The following DPYD variants were observed in gnomAD, a reference collection of about 807,000 sequenced individuals.
The protein encoded by DPYD is dihydropyrimidine dehydrogenase [NADP(+)].
A neutral mutation model predicts 116.2 loss-of-function variants in DPYD; 109 were observed. The observed-to-expected ratio is 0.94, with a 90% CI of 0.80 to 1.10. DPYD has a LOEUF of 1.10. DPYD is among the 50% of genes least tolerant of loss of function. The pLI is 0.00. For missense variants in DPYD, 1,302 were observed against 1,254.5 expected (o/e 1.04, Z -0.57); for synonymous variants, 440 against 432.0 (o/e 1.02, Z -0.23).
At chr1:97,082,573 A>C (rs1172952611) in intron 21 of DPYD, 103 bp from the exon 22 acceptor site, 1 of 1,359,570 alleles carries the variant, frequency 7.4e-7, no homozygotes, top group African/African-American at 1.4e-5. Context: ...ATGTTGCATT[A>C]TATTAACTTG....
chr1:97,089,881 T>A (rs904903830), intron 21 of DPYD, among the ~76,000 whole-genome samples: 21 of 150,934 alleles, frequency 1.4e-4, no homozygotes, highest in Non-Finnish European at 2.9e-5. Context: ...TCAGGATGTA[T>A]GTTGTCTAGC....
At chr1:97,169,482 C>G (rs750373908) in intron 20 of DPYD, among the ~76,000 whole-genome samples, 4 of 147,320 alleles carry the variant, frequency 2.7e-5, no homozygotes, top group African/African-American at 7.5e-5. Flanking sequence ...CTTCCAGATG[C>G]CTATGATAAT....
intron 18 of DPYD, among the ~76,000 whole-genome samples, chr1:97,294,097 C>A (rs912751298): frequency 2.0e-5 from 3 of 152,118 alleles, no homozygotes; most frequent in African/African-American, 7.2e-5. Context: ...ACGGCTCTTG[C>A]TTTTAAGATG....
At chr1:97,147,973 G>A (rs1172754087) in intron 20 of DPYD, among the ~76,000 whole-genome samples, 1 of 152,076 alleles carries the variant, frequency 6.6e-6, no homozygotes, top group Non-Finnish European at 1.5e-5. Flanking sequence ...CTACTTTATT[G>A]TAGAGGCACA....
At chr1:97,691,669 ACT>A in intron 7 of DPYD, 46 bp downstream of exon 7, 1 of 1,456,208 alleles carries the variant, frequency 6.9e-7, no homozygotes, top group Non-Finnish European at 9.6e-7. Context: ...TGTAGAGCTT[ACT>A]CCTTTCTTTT....
At chr1:97,499,880 T>A (rs1378378834) in intron 13 of DPYD, among the ~76,000 whole-genome samples, 1 of 151,956 alleles carries the variant, frequency 6.6e-6, no homozygotes, top group East Asian at 1.9e-4. Flanking sequence ...TGCAACCTAA[T>A]GTTCTATTCA....
intron 16 of DPYD, among the ~76,000 whole-genome samples, chr1:97,366,879 C>T (rs548953374): frequency 6.6e-6 from 1 of 152,094 alleles, no homozygotes; most frequent in African/African-American, 2.4e-5. Flanking sequence ...TTTCTCTAAC[C>T]TTTGGGATTT....
chr1:97,492,435 T>A (rs1426789313), intron 13 of DPYD, among the ~76,000 whole-genome samples: 1 of 152,166 alleles, frequency 6.6e-6, no homozygotes, highest in Non-Finnish European at 1.5e-5. Context: ...CTCTACTCCC[T>A]ATTCACATAA....
chr1:97,430,169 T>C (rs1452046554), intron 14 of DPYD, among the ~76,000 whole-genome samples: 2 of 152,174 alleles, frequency 1.3e-5, no homozygotes, highest in Non-Finnish European at 2.9e-5. Context: ...AAGACTGTCC[T>C]GTTCCAGTGA....
chr1:97,421,975 T>C (rs1298509990), intron 14 of DPYD, among the ~76,000 whole-genome samples: 3 of 152,126 alleles, frequency 2.0e-5, no homozygotes, highest in Admixed American at 6.6e-5. Context: ...ATAGGGGCAG[T>C]GGGGATTGGA....
At chr1:97,690,826 T>C (rs2100947638) in intron 7 of DPYD, among the ~76,000 whole-genome samples, 1 of 152,228 alleles carries the variant, frequency 6.6e-6, no homozygotes, top group Non-Finnish European at 1.5e-5. Context: ...TGTGTGAATG[T>C]TTCATCACCC....
At chr1:97,371,669 G>T (rs1671317440) in intron 16 of DPYD, among the ~76,000 whole-genome samples, 1 of 152,200 alleles carries the variant, frequency 6.6e-6, no homozygotes, top group African/African-American at 2.4e-5. Flanking sequence ...GAACATTCAT[G>T]TGTCCTCAGG....
intron 3 of DPYD, among the ~76,000 whole-genome samples, chr1:97,822,984 A>G (rs1372711036): frequency 6.6e-6 from 1 of 152,200 alleles, no homozygotes. Flanking sequence ...CCCCATTTGC[A>G]TAAGTTTTTT....
At chr1:97,537,926 G>C (rs1570922934) in intron 12 of DPYD, among the ~76,000 whole-genome samples, 1 of 152,172 alleles carries the variant, frequency 6.6e-6, no homozygotes, top group East Asian at 1.9e-4. Context: ...AACTAACTGG[G>C]CGTGGTGGCA....
chr1:97,255,888 G>A (rs544738205), intron 18 of DPYD, among the ~76,000 whole-genome samples: 1 of 152,120 alleles, frequency 6.6e-6, no homozygotes, highest in South Asian at 2.1e-4. Flanking sequence ...TCATGCTCTA[G>A]AAGTCATGTG....
rs1243857205 is a variant in DPYD, at chr1:97,203,672, C to CCT, written c.2443-10425_2443-10424insAG. Among the ~76,000 whole-genome samples the CCT allele has an allele frequency of 6.9e-5, 4 of 57,914 alleles. 1 individual carries two copies. Among genetic ancestry groups the CCT allele is most frequent in the Non-Finnish European group, 1.4e-4 (4 of 28,350 alleles). The allele number at this position is 57,914 out of a possible 152,430, so 38.0% of individuals were successfully genotyped here. Reference sequence around the variant, plus strand: ...AAAGGATGAGTTCAGACCCCCCCCCCCCAAAAAAAAAAAAAGAGAAAAAGT... The same window carrying CCT: ...AAAGGATGAGTTCAGACCCCCCCCCCCTCCAAAAAAAAAAAAAGAGAAAAAGT... On this transcript the variant is annotated intron_variant, in intron 19 of 22. Coordinates refer to ENST00000370192, the MANE Select transcript of DPYD (RefSeq NM_000110.4).
At chr1:97,666,786 T>C (rs1391998212) in intron 8 of DPYD, among the ~76,000 whole-genome samples, 1 of 152,184 alleles carries the variant, frequency 6.6e-6, no homozygotes, top group Non-Finnish European at 1.5e-5. Flanking sequence ...GGGATAGCTA[T>C]CTCTTCTGCT....
At chr1:97,712,062 C>A (rs1417055290) in intron 5 of DPYD, among the ~76,000 whole-genome samples, 1 of 151,918 alleles carries the variant, frequency 6.6e-6, no homozygotes, top group African/African-American at 2.4e-5. Context: ...TAGTATTGCA[C>A]AATATTACCA....
intron 20 of DPYD, among the ~76,000 whole-genome samples, chr1:97,111,118 C>T (rs1301981069): frequency 6.6e-6 from 1 of 152,064 alleles, no homozygotes; most frequent in Non-Finnish European, 1.5e-5. Context: ...TTCACCATTT[C>T]CATTGATATG....
Sources: allele counts gnomAD v4.1 joint callset (sites outside exome capture counted in the v4.1 genomes callset), GRCh38; gene constraint gnomAD v4.1.1; transcripts MANE v1.5; gene names NCBI Gene and HGNC (gene_info 2026-07-23, HGNC 2026-07-21).